SGCD: variants seen among roughly 807,000 people sequenced by gnomAD.
SGCD encodes the protein sarcoglycan delta.
Under a neutral mutation model 36.6 loss-of-function variants are expected in SGCD, and 18 were observed. The observed-to-expected ratio is 0.49, with a 90% CI of 0.34 to 0.73. SGCD has a LOEUF of 0.73. SGCD is among the 30% of genes least tolerant of loss of function. The pLI is 0.01. For synonymous variants in SGCD, 133 were observed against 130.6 expected, an observed-to-expected ratio of 1.02 and a Z score of -0.12; for missense variants, 387 against 346.7, an observed-to-expected ratio of 1.12 and a Z score of -0.92.
intron 3 of SGCD, among the ~76,000 whole-genome samples, chr5:156,248,906 G>C (rs1446463862): frequency 6.6e-6 from 1 of 152,158 alleles, no homozygotes; most frequent in African/African-American, 2.4e-5. Context: ...GGTGATTCTA[G>C]GCTTCTTGGC....
chr5:156,491,529 G>T (rs1003130577), intron 3 of SGCD, among the ~76,000 whole-genome samples: 6 of 151,976 alleles, frequency 3.9e-5, no homozygotes, highest in African/African-American at 1.4e-4. Context: ...TCCCAAAATG[G>T]ATCAGCGTAT....
chr5:155,894,007 AAGT>A (rs1242771789), intron 1 of SGCD, among the ~76,000 whole-genome samples: 2 of 152,154 alleles, frequency 1.3e-5, no homozygotes, highest in Non-Finnish European at 2.9e-5. Flanking sequence ...ATGTCTTAAA[AAGT>A]ACACCTGTAT....
At chr5:156,717,866 C>T (rs1471849542) in intron 7 of SGCD, among the ~76,000 whole-genome samples, 1 of 151,610 alleles carries the variant, frequency 6.6e-6, no homozygotes, top group Non-Finnish European at 1.5e-5. Flanking sequence ...TCCCTTCACT[C>T]CCTGTGCCTC....
At chr5:156,160,749 C>T (rs1763068870) in intron 3 of SGCD, among the ~76,000 whole-genome samples, 1 of 151,600 alleles carries the variant, frequency 6.6e-6, no homozygotes, top group Admixed American at 6.6e-5. Context: ...TGCCCATCAT[C>T]ACGTAATAGT....
At chr5:156,346,882 C>G (rs1377521405) in intron 3 of SGCD, among the ~76,000 whole-genome samples, 1 of 151,948 alleles carries the variant, frequency 6.6e-6, no homozygotes, top group African/African-American at 2.4e-5. Context: ...ACTGCCAGCT[C>G]CACCTCCCGG....
At chr5:156,608,675 T>G (rs188850399) in intron 6 of SGCD, among the ~76,000 whole-genome samples, 2,489 of 152,230 alleles carry the variant, frequency 0.016, 66 homozygotes, top group African/African-American at 0.056. Flanking sequence ...TTGTGTGGGA[T>G]TCTAATTCTC....
intron 3 of SGCD, among the ~76,000 whole-genome samples, chr5:156,189,552 G>T (rs1763840688): frequency 6.6e-6 from 1 of 151,916 alleles, no homozygotes; most frequent in South Asian, 2.1e-4. Context: ...TAAAGGGAGA[G>T]AGCCTCTATT....
the SGCD span, among the ~76,000 whole-genome samples, chr5:155,861,715 TA>T: frequency 5.1e-3 from 773 of 151,838 alleles, 4 homozygotes; most frequent in Non-Finnish European, 7.8e-3. Flanking sequence ...AAAACTCTGT[TA>T]AAAAAATAAA....
chr5:155,895,164 A>G (rs191306397), intron 1 of SGCD, among the ~76,000 whole-genome samples: 35 of 152,324 alleles, frequency 2.3e-4, no homozygotes, highest in African/African-American at 7.9e-4. Flanking sequence ...CAGTCTTCCT[A>G]TCCGTACAAA....
rs528131800 is a variant in SGCD at position 156,487,097 on chromosome 5, C to T, written c.193-21504C>T. ...GAGGTGGTATATGCTGCCAGGAACC[C>T]GAAGATGCATACCCAGCCTGCTGCC... On this transcript the variant is annotated intron_variant, in intron 3 of 8. Transcript: ENST00000337851. 3.9e-5 allele frequency among the ~76,000 whole-genome samples: 6 copies of T among 152,044 alleles called. No homozygotes were observed. In the East Asian group the frequency reaches 5.8e-4, roughly 15 times the overall value.
the SGCD span, among the ~76,000 whole-genome samples, chr5:155,864,997 G>A: frequency 1.1e-4 from 16 of 151,942 alleles, no homozygotes; most frequent in East Asian, 5.8e-4. Context: ...AACAATTATC[G>A]AAATTCTTGG....
chr5:156,445,363 CCATAAGGT>C, intron 3 of SGCD, among the ~76,000 whole-genome samples: 1 of 152,010 alleles, frequency 6.6e-6, no homozygotes, highest in Non-Finnish European at 1.5e-5. Flanking sequence ...AAAATGAGAA[CCATAAGGT>C]CAAAATGGTT....
In SGCD at chr5:156,646,273, C is replaced by T. The variant is rs369801825; in HGVS notation, c.503-1191C>T. Among the ~76,000 whole-genome samples the T allele has an allele frequency of 6.6e-5, 10 of 152,184 alleles. No individual in the cohort carries two copies. The South Asian group carries it at 1.9e-3, about 28-fold the overall frequency. Reference sequence around the variant, plus strand: ...CCAAAGCCTGTCAATCATTTGCCACCGCTGCCTGTCAGAACCTATCTCCCT... The same window carrying T: ...CCAAAGCCTGTCAATCATTTGCCACTGCTGCCTGTCAGAACCTATCTCCCT... On this transcript the variant is annotated intron_variant, in intron 6 of 8. Coordinates refer to ENST00000337851, the MANE Select transcript of SGCD (RefSeq NM_000337.6).
intron 7 of SGCD, among the ~76,000 whole-genome samples, chr5:156,720,892 C>T (rs900755438): frequency 2.6e-5 from 4 of 152,114 alleles, no homozygotes; most frequent in Admixed American, 2.0e-4. Flanking sequence ...GAGGCTTTTG[C>T]AAAACCCAGG....
At chr5:156,427,436 T>G (rs183345559) in intron 3 of SGCD, among the ~76,000 whole-genome samples, 1 of 152,144 alleles carries the variant, frequency 6.6e-6, no homozygotes, top group Non-Finnish European at 1.5e-5. Context: ...TAGGAGCTTT[T>G]TGAGTGAGTC....
intron 3 of SGCD, among the ~76,000 whole-genome samples, chr5:156,265,235 A>G (rs1430371619): frequency 6.6e-6 from 1 of 152,136 alleles, no homozygotes. Flanking sequence ...TCTAAAGCTT[A>G]TACTCTGAAT....
intron 3 of SGCD, among the ~76,000 whole-genome samples, chr5:156,136,820 G>T (rs1026600662): frequency 1.3e-5 from 2 of 152,104 alleles, no homozygotes; most frequent in African/African-American, 2.4e-5. Context: ...TACAGTTAAT[G>T]GTTAAACCCC....
intron 1 of SGCD, among the ~76,000 whole-genome samples, chr5:156,047,825 C>CT (rs964489569): frequency 7.3e-5 from 11 of 151,336 alleles, no homozygotes; most frequent in South Asian, 2.1e-4. Context: ...TTTCTCTTTT[C>CT]TTTTTTTTTA....
the SGCD span, among the ~76,000 whole-genome samples, chr5:155,860,583 G>C: frequency 6.6e-6 from 1 of 152,126 alleles, no homozygotes; most frequent in Non-Finnish European, 1.5e-5. Context: ...AAATGATTAA[G>C]GTACTGAATT....
Sources: gnomAD v4.1 joint callset for allele counts (sites outside exome capture counted in the v4.1 genomes callset) on GRCh38, gnomAD v4.1.1 for gene constraint, MANE v1.5 for transcripts, NCBI Gene and HGNC (gene_info 2026-07-23, HGNC 2026-07-21) for gene names.